GRID2: variants seen among roughly 807,000 people sequenced by gnomAD.
GRID2 encodes glutamate ionotropic receptor delta type subunit 2.
In GRID2, 33 loss-of-function variants were observed where a neutral mutation model predicts 114.8. That is an observed-to-expected ratio of 0.29 (90% CI 0.22 to 0.38). The LOEUF (loss-of-function observed/expected upper bound fraction) is 0.38, where lower values mean the gene tolerates loss of function less well. Ranked by LOEUF, GRID2 falls within the 10% of genes least tolerant of loss-of-function variation. The pLI is 1.00. For synonymous variants in GRID2, 505 were observed against 449.9 expected (o/e 1.12, Z -1.55); for missense variants, 1,184 against 1,257.7 (o/e 0.94, Z 0.89).
chr4:92,715,835 A>T (rs141263885), intron 2 of GRID2, among the ~76,000 whole-genome samples: 1,920 of 152,318 alleles, frequency 0.013, 16 homozygotes, highest in Non-Finnish European at 0.02. Flanking sequence ...GCCAAACCAT[A>T]TCAGATAGCC....
At chr4:92,873,158 T>C (rs985394002) in intron 2 of GRID2, among the ~76,000 whole-genome samples, 6 of 152,176 alleles carry the variant, frequency 3.9e-5, no homozygotes, top group Non-Finnish European at 8.8e-5. Flanking sequence ...GGATCATATA[T>C]CATGAAATAT....
At chr4:92,456,940 ATATT>A (rs1217844646) in intron 1 of GRID2, among the ~76,000 whole-genome samples, 3 of 152,076 alleles carry the variant, frequency 2.0e-5, no homozygotes, top group Admixed American at 6.5e-5. Flanking sequence ...AAATTCTTAA[ATATT>A]TATCTTTCTC....
intron 4 of GRID2, among the ~76,000 whole-genome samples, chr4:93,116,660 G>T (rs1733291127): frequency 6.6e-6 from 1 of 151,948 alleles, no homozygotes; most frequent in African/African-American, 2.4e-5. Flanking sequence ...TAGTGGGTCA[G>T]ATCCACAAAT....
chr4:92,996,517 G>A (rs1755208777), intron 2 of GRID2, among the ~76,000 whole-genome samples: 1 of 152,114 alleles, frequency 6.6e-6, no homozygotes, highest in African/African-American at 2.4e-5. Context: ...GGGGAAACAG[G>A]TCAACCTTAA....
At chr4:92,896,342 T>C (rs1043193522) in intron 2 of GRID2, among the ~76,000 whole-genome samples, 5 of 152,274 alleles carry the variant, frequency 3.3e-5, no homozygotes, top group African/African-American at 1.2e-4. Context: ...ATTTCTGCTG[T>C]AAATAAAATC....
At chr4:92,584,043 T>A (rs1229057953) in intron 1 of GRID2, among the ~76,000 whole-genome samples, 1 of 151,654 alleles carries the variant, frequency 6.6e-6, no homozygotes, top group Non-Finnish European at 1.5e-5. Context: ...TATCTATGCT[T>A]AAGTAAAGAT....
chr4:93,108,635 CTTTTTTTTT>C (rs796179719), intron 3 of GRID2, among the ~76,000 whole-genome samples: 1 of 133,502 alleles, frequency 7.5e-6, no homozygotes, highest in Non-Finnish European at 1.6e-5. Flanking sequence ...TTTTTTTTTT[CTTTTTTTTT>C]TTTTGAGATG....
At position 92,478,112 on chromosome 4, in the gene GRID2, A is replaced by G. The variant is rs1277650133; in HGVS notation, c.89-112019A>G. 7.2e-5 allele frequency among the ~76,000 whole-genome samples: 11 copies of G among 152,118 alleles called. No individual in the cohort carries two copies. The East Asian group carries it at 1.2e-3, about 16-fold the overall frequency. ...CCAATATCATAGAATAATATTTTCT[A>G]TATTACTGCAATTACCATATCTTTG... On this transcript the variant is annotated intron_variant, in intron 1 of 15. Coordinates refer to ENST00000282020, the MANE Select transcript of GRID2 (RefSeq NM_001510.4).
chr4:92,956,330 T>C (rs2149143481), intron 2 of GRID2, among the ~76,000 whole-genome samples: 1 of 152,258 alleles, frequency 6.6e-6, no homozygotes, highest in South Asian at 2.1e-4. Context: ...ATATGCACAA[T>C]TATGGTATTA....
chr4:93,801,800 A>G (rs1734936739), intron 1 of GRID2, among the ~76,000 whole-genome samples: 1 of 152,236 alleles, frequency 6.6e-6, no homozygotes, highest in Admixed American at 6.5e-5. Flanking sequence ...AAACAACTTC[A>G]CTAATAATTA....
At chr4:92,411,083 T>C (rs1055634529) in intron 1 of GRID2, among the ~76,000 whole-genome samples, 8 of 152,176 alleles carry the variant, frequency 5.3e-5, no homozygotes, top group Non-Finnish European at 1.0e-4. Context: ...AGACAACTTA[T>C]GTCTTGTCAG....
chr4:93,508,242 G>T (rs1346210985), intron 12 of GRID2, among the ~76,000 whole-genome samples: 2 of 149,798 alleles, frequency 1.3e-5, no homozygotes, highest in Admixed American at 6.7e-5. Flanking sequence ...CTGTAGCCCA[G>T]GCTGGGGTGC....
intron 2 of GRID2, among the ~76,000 whole-genome samples, chr4:92,610,855 A>G (rs1445309738): frequency 2.0e-5 from 3 of 151,660 alleles, no homozygotes; most frequent in Non-Finnish European, 4.4e-5. Context: ...TGAGTTTTTG[A>G]TGTTTATCTA....
intron 13 of GRID2, among the ~76,000 whole-genome samples, chr4:93,520,315 A>C (rs1730204544): frequency 6.6e-6 from 1 of 152,134 alleles, no homozygotes; most frequent in Non-Finnish European, 1.5e-5. Flanking sequence ...TGTGCTCTAA[A>C]GAAAAACTGG....
intron 2 of GRID2, among the ~76,000 whole-genome samples, chr4:93,070,409 C>T (rs1325178013): frequency 1.3e-5 from 2 of 152,034 alleles, no homozygotes; most frequent in Non-Finnish European, 2.9e-5. Context: ...AATATGATAA[C>T]AAACTGCAGA....
chr4:92,629,455 G>A (rs1730683184), intron 2 of GRID2, among the ~76,000 whole-genome samples: 1 of 152,026 alleles, frequency 6.6e-6, no homozygotes, highest in African/African-American at 2.4e-5. Flanking sequence ...ATGTTTCACA[G>A]GCGACTCCCC....
At chr4:92,796,103 C>G (rs1414352024) in intron 2 of GRID2, among the ~76,000 whole-genome samples, 1 of 152,034 alleles carries the variant, frequency 6.6e-6, no homozygotes, top group East Asian at 2.0e-4. Context: ...TTCCCGACTT[C>G]CATGATGTTC....
chr4:92,390,079 G>C (rs1045587795), intron 1 of GRID2, among the ~76,000 whole-genome samples: 2 of 151,992 alleles, frequency 1.3e-5, no homozygotes, highest in Admixed American at 1.3e-4. Flanking sequence ...ATTAAACAAA[G>C]AGCACAATTA....
chr4:92,410,184 G>C (rs921662536), intron 1 of GRID2, among the ~76,000 whole-genome samples: 1 of 152,112 alleles, frequency 6.6e-6, no homozygotes, highest in African/African-American at 2.4e-5. Flanking sequence ...ATCTGTCCTT[G>C]AACACGCTTC....
Sources: allele counts gnomAD v4.1 joint callset (sites outside exome capture counted in the v4.1 genomes callset), GRCh38; gene constraint gnomAD v4.1.1; transcripts MANE v1.5; gene names NCBI Gene and HGNC (gene_info 2026-07-23, HGNC 2026-07-21).